PIGK: variants seen among roughly 807,000 people sequenced by gnomAD.
PIGK encodes the protein GPI-anchor transamidase.
Under a neutral mutation model 50.6 loss-of-function variants are expected in PIGK, and 42 were observed. The ratio of observed to expected loss-of-function variants is 0.83; its 90% CI spans 0.65 to 1.07. The LOEUF is 1.07. PIGK is among the 50% of genes least tolerant of loss of function. The pLI is 0.00. For missense variants in PIGK, 448 were observed against 488.7 expected, an observed-to-expected ratio of 0.92 and a Z score of 0.78; for synonymous variants, 151 against 156.0, an observed-to-expected ratio of 0.97 and a Z score of 0.24.
chr1:77,122,897 C>G (rs6603935), intron 9 of PIGK, among the ~76,000 whole-genome samples: 2 of 152,292 alleles, frequency 1.3e-5, no homozygotes, highest in African/African-American at 4.8e-5. Flanking sequence ...ATTTGTTTAT[C>G]GCCATCTAGG....
rs1272059413 is a variant in PIGK at position 77,092,044 on chromosome 1, G to T, written c.*330C>A. On this transcript the variant is annotated 3_prime_UTR_variant, in exon 11 of 11. Coordinates refer to ENST00000370812, the MANE Select transcript of PIGK (RefSeq NM_005482.3). ...TAACCAAAGTTACTTCTGTTAGTGA[G>T]AATTTAATGTCTTCACAATTGTTTC... 1.3e-5 allele frequency: 2 copies of T among 158,134 alleles called. No homozygotes were observed. The highest frequency in any genetic ancestry group is 2.4e-5 in the African/African-American group (1 of 41,612). 9.8% of individuals were successfully genotyped at this position (158,134 alleles called of 1,614,324 possible).
intron 9 of PIGK, among the ~76,000 whole-genome samples, chr1:77,152,994 C>G (rs1371129134): frequency 1.3e-5 from 2 of 152,066 alleles, no homozygotes; most frequent in East Asian, 3.8e-4. Flanking sequence ...ACCATATGAT[C>G]CAGCAATCCC....
At chr1:77,129,103 A>C (rs1403272601) in intron 9 of PIGK, 1 of 912,516 alleles carries the variant, frequency 1.1e-6, no homozygotes, top group Non-Finnish European at 1.8e-6. Flanking sequence ...AGCCTGAGGT[A>C]ATCTGTGAAA....
At chr1:77,150,402 T>C (rs1654869024) in intron 9 of PIGK, among the ~76,000 whole-genome samples, 1 of 149,904 alleles carries the variant, frequency 6.7e-6, no homozygotes, top group African/African-American at 2.5e-5. Flanking sequence ...ATGTCTGTAG[T>C]CCCAGTTATG....
intron 3 of PIGK, among the ~76,000 whole-genome samples, chr1:77,187,682 C>T (rs35008809): frequency 0.085 from 13,007 of 152,202 alleles, 785 homozygotes; most frequent in Non-Finnish European, 0.12. Flanking sequence ...AGTATTATCA[C>T]GCCCTGTGAT....
intron 9 of PIGK, among the ~76,000 whole-genome samples, chr1:77,152,681 A>AAAAAC (rs1654918974): frequency 2.0e-5 from 3 of 147,716 alleles, no homozygotes; most frequent in Admixed American, 2.0e-4. Context: ...AACAAAACAA[A>AAAAAC]AAAACAAAAA....
Position 77,089,387 on chromosome 1 carries a change from T to C in PIGK, c.*2987A>G, listed in dbSNP as rs1653248239. The C allele has an allele frequency of 6.6e-6, 1 of 152,244 alleles. No homozygotes were observed. The highest frequency in any genetic ancestry group is 2.4e-5 in the African/African-American group (1 of 41,460). 9.4% of individuals were successfully genotyped at this position (152,244 alleles called of 1,614,324 possible). ...ATCTTGTGGTATGTTTATAACGTATTTCTTTCACATGTTAAAACAGTATCT... is the reference window on the plus strand; with the variant it reads ...ATCTTGTGGTATGTTTATAACGTATCTCTTTCACATGTTAAAACAGTATCT... On this transcript the variant is annotated 3_prime_UTR_variant, in exon 11 of 11. Transcript: ENST00000370812.
chr1:77,102,077 T>C (rs1231421359), intron 10 of PIGK, among the ~76,000 whole-genome samples: 1 of 152,196 alleles, frequency 6.6e-6, no homozygotes, highest in Admixed American at 6.5e-5. Flanking sequence ...ACTTTCCAAT[T>C]GGGCAAAGTA....
chr1:77,139,576 C>T (rs2177430), intron 9 of PIGK, among the ~76,000 whole-genome samples: 4,418 of 152,214 alleles, frequency 0.029, 160 homozygotes, highest in African/African-American at 0.087. Flanking sequence ...ATGTTTAGAA[C>T]ACCAGCTGTT....
At chr1:77,109,208 G>A (rs1231109853) in intron 10 of PIGK, among the ~76,000 whole-genome samples, 1 of 152,162 alleles carries the variant, frequency 6.6e-6, no homozygotes, top group Non-Finnish European at 1.5e-5. Flanking sequence ...CGTTCCTTCT[G>A]AAACTATTCC....
intron 8 of PIGK, among the ~76,000 whole-genome samples, chr1:77,155,896 T>G (rs952880390): frequency 5.9e-5 from 9 of 152,240 alleles, no homozygotes; most frequent in Non-Finnish European, 8.8e-5. Flanking sequence ...CTAAGCAGTT[T>G]GCAGATATTC....
chr1:77,148,784 G>A (rs182233220), intron 9 of PIGK, among the ~76,000 whole-genome samples: 8 of 151,224 alleles, frequency 5.3e-5, no homozygotes, highest in South Asian at 2.1e-4. Flanking sequence ...GCGCGATCTC[G>A]GCTTACTGCA....
chr1:77,094,709 C>A (rs1172478985), intron 10 of PIGK, among the ~76,000 whole-genome samples: 1 of 152,102 alleles, frequency 6.6e-6, no homozygotes. Context: ...AAAATAGCAT[C>A]TTTGAAAGTA....
At chr1:77,135,313 T>C (rs981219215) in intron 9 of PIGK, among the ~76,000 whole-genome samples, 1 of 152,072 alleles carries the variant, frequency 6.6e-6, no homozygotes, top group Non-Finnish European at 1.5e-5. Context: ...TTTCTCTTCC[T>C]GATGAGATAA....
chr1:77,199,912 A>G (rs1185581983), intron 3 of PIGK, among the ~76,000 whole-genome samples: 1 of 152,156 alleles, frequency 6.6e-6, no homozygotes, highest in Non-Finnish European at 1.5e-5. Context: ...AATTATGTGC[A>G]CTCATCACTA....
At chr1:77,212,417 T>C (rs1656440778) in intron 1 of PIGK, among the ~76,000 whole-genome samples, 1 of 152,162 alleles carries the variant, frequency 6.6e-6, no homozygotes, top group Admixed American at 6.5e-5. Context: ...ACTACTAGTC[T>C]GAAAAACATT....
At chr1:77,169,802 TAGTAAA>T (rs1456448333) in intron 3 of PIGK, among the ~76,000 whole-genome samples, 1 of 152,220 alleles carries the variant, frequency 6.6e-6, no homozygotes, top group Non-Finnish European at 1.5e-5. Context: ...AAATATTTTT[TAGTAAA>T]ATTTTACATT....
intron 9 of PIGK, among the ~76,000 whole-genome samples, chr1:77,126,058 T>A (rs1654223594): frequency 6.6e-6 from 1 of 152,192 alleles, no homozygotes; most frequent in Non-Finnish European, 1.5e-5. Flanking sequence ...TCACATATCT[T>A]CCTGTTTGTC....
intron 1 of PIGK, among the ~76,000 whole-genome samples, chr1:77,213,155 C>T (rs1221684752): frequency 1.3e-5 from 2 of 152,064 alleles, no homozygotes; most frequent in South Asian, 2.1e-4. Context: ...GAACTCCTGA[C>T]CTCAAGTGAT....
Sources: gnomAD v4.1 joint callset for allele counts (sites outside exome capture counted in the v4.1 genomes callset) on GRCh38, gnomAD v4.1.1 for gene constraint, MANE v1.5 for transcripts, NCBI Gene and HGNC (gene_info 2026-07-23, HGNC 2026-07-21) for gene names.